Variants in SETMAR observed in about 807,000 individuals in gnomAD.
The protein encoded by SETMAR is SET and mariner transposase domain methyltransferase.
A neutral mutation model predicts 58.4 loss-of-function variants in SETMAR; 44 were observed. That is an observed-to-expected ratio of 0.75 (90% CI 0.59 to 0.97). SETMAR has a LOEUF of 0.97. SETMAR is among the 50% of genes least tolerant of loss of function. The pLI is 0.00. For missense variants in SETMAR, 903 were observed against 840.2 expected, an observed-to-expected ratio of 1.07 and a Z score of -0.92; for synonymous variants, 332 against 307.4, an observed-to-expected ratio of 1.08 and a Z score of -0.84.
chr3:4,309,930 CAT>C (rs1291114784), intron 1 of SETMAR, among the ~76,000 whole-genome samples: 3 of 152,180 alleles, frequency 2.0e-5, no homozygotes, highest in Non-Finnish European at 4.4e-5. Context: ...ATGCAAAAGT[CAT>C]AGAGTGCACA....
In SETMAR at chr3:4,316,251, A is replaced by G. The variant is rs1281830308; in HGVS notation, c.1060A>G (p.Ile354Val). Residue 354 changes from isoleucine (I) to valine (V), a missense_variant, in exon 3 of 3, where the codon ATT becomes GTT. Transcript: ENST00000358065. The stretch of plus-strand genomic sequence containing the variant: ...GTTAGACAAAAAGCAAATTCGAGCA[A>G]TTTTCTTATTCGAGTTCAAAATGGG... ...MMLDKKQIRA[I>V]FLFEFKMGRK... The G allele has an allele frequency of 1.3e-5, 10 of 780,628 alleles. No individual in the cohort carries two copies. The highest frequency in any genetic ancestry group is 3.4e-5 in the African/African-American group (2 of 58,618). 48.4% of individuals were successfully genotyped at this position (780,628 alleles called of 1,614,324 possible).
chr3:4,309,873 T>TC, intron 1 of SETMAR, among the ~76,000 whole-genome samples: 1 of 152,358 alleles, frequency 6.6e-6, no homozygotes, highest in African/African-American at 2.4e-5. Flanking sequence ...ATTATTTAAC[T>TC]ATGGGGAAAC....
chr3:4,303,963 C>CTG, intron 1 of SETMAR: 1 of 852,906 alleles, frequency 1.2e-6, no homozygotes, highest in Admixed American at 4.1e-5. Context: ...CTCCCTCACG[C>CTG]TGTGGGCTCT....
In SETMAR at chr3:4,313,348, G is replaced by A. The variant is rs1054156429; in HGVS notation, c.607G>A (p.Gly203Arg). ...IIAIREHVYN[G>R]QVMETFVDPT... ...AGCCATCAGGGAACATGTTTATAATGGGCAGGTAATGGAAACATTTGTTGA... is the reference window on the plus strand; with the variant it reads ...AGCCATCAGGGAACATGTTTATAATAGGCAGGTAATGGAAACATTTGTTGA... The change falls in exon 2 of 3, where the codon GGG becomes AGG. Residue 203 changes from glycine to arginine, a missense_variant. Coordinates refer to ENST00000358065, the MANE Select transcript of SETMAR (RefSeq NM_006515.4). 1 of 1,613,844 alleles carries A rather than the reference G, an allele frequency of 6.2e-7. No homozygotes were observed. The highest frequency in any genetic ancestry group is 1.3e-5 in the African/African-American group (1 of 74,884).
chr3:4,317,086 A>G lies in SETMAR; in HGVS notation c.1895A>G (p.Asn632Ser), dbSNP rs1249161741. The G allele has an allele frequency of 6.5e-6, 10 of 1,549,100 alleles. No individual in the cohort carries two copies. In the East Asian group the frequency reaches 2.0e-4, roughly 30 times the overall value. Reference sequence around the variant, plus strand: ...TACCACGTCTTTAAGCATCTCAACAACTTTTTGCAGGGAAAACGCTTCCAC... The same window carrying G: ...TACCACGTCTTTAAGCATCTCAACAGCTTTTTGCAGGGAAAACGCTTCCAC... The part of the protein sequence containing the change: ...TNYHVFKHLN[N>S]FLQGKRFHNQ... The change falls in exon 3 of 3, where the codon AAC becomes AGC. Residue 632 changes from asparagine (N) to serine (S), a missense_variant. By Grantham distance (46) the Asn-to-Ser change is conservative. Coordinates refer to ENST00000358065, the MANE Select transcript of SETMAR (RefSeq NM_006515.4).
chr3:4,311,930 T>C (rs1490618104), intron 1 of SETMAR, among the ~76,000 whole-genome samples: 1 of 152,224 alleles, frequency 6.6e-6, no homozygotes, highest in Non-Finnish European at 1.5e-5. Context: ...TGCTTCACGA[T>C]GCTAATGAGG....
rs1351337627 is a variant in SETMAR, at chr3:4,316,864, A to G, written c.1673A>G (p.Lys558Arg). The G allele has an allele frequency of 1.5e-5, 23 of 1,549,646 alleles. No homozygotes were observed. Among genetic ancestry groups the G allele is most frequent in the Non-Finnish European group, 2.0e-5 (23 of 1,146,746 alleles). Reference protein sequence around the residue: ...LNPGETITSEKYAQEIDEMNQ... With the variant: ...LNPGETITSERYAQEIDEMNQ... ...CCCGGTGAAACCATTACATCTGAGAAGTATGCTCAGGAAATCGATGAGATG... is the reference window on the plus strand; with the variant it reads ...CCCGGTGAAACCATTACATCTGAGAGGTATGCTCAGGAAATCGATGAGATG... Residue 558 changes from lysine (K) to arginine (R), a missense_variant, in exon 3 of 3, where the codon AAG (lysine) becomes AGG (arginine). Coordinates refer to ENST00000358065, the MANE Select transcript of SETMAR (RefSeq NM_006515.4).
At position 4,316,425 on chromosome 3, in the gene SETMAR, G is replaced by A. The variant is rs1575089551; in HGVS notation, c.1234G>A (p.Val412Ile). The A allele has an allele frequency of 1.9e-6, 3 of 1,592,606 alleles. No individual in the cohort carries two copies. Among genetic ancestry groups the A allele is most frequent in the Middle Eastern group, 1.8e-4 (1 of 5,554 alleles). ...GGAGCGTAGTGGCCGGCCATCAGAA[G>A]TTGACAACGACCAGTTGAGAGCAAT... ...DEERSGRPSE[V>I]DNDQLRAIIE... Residue 412 changes from valine to isoleucine, a missense_variant, in exon 3 of 3, where the codon GTT (valine) becomes ATT (isoleucine). Coordinates refer to ENST00000358065, the MANE Select transcript of SETMAR (RefSeq NM_006515.4).
At chr3:4,314,848 GTAATT>G (rs1698572917) in intron 2 of SETMAR, among the ~76,000 whole-genome samples, 1 of 152,150 alleles carries the variant, frequency 6.6e-6, no homozygotes, top group Non-Finnish European at 1.5e-5. Flanking sequence ...ATATTATTAA[GTAATT>G]TAATTTCTTC....
chr3:4,303,856 G>C, intron 1 of SETMAR: 1 of 1,320,010 alleles, frequency 7.6e-7, no homozygotes, highest in Non-Finnish European at 1.0e-6. Context: ...CTGGTCTCAG[G>C]TGTCTCTCAC....
chr3:4,312,887 A>G lies in SETMAR; in HGVS notation c.157-11A>G, dbSNP rs1559217289. 1 of 1,598,854 alleles carries G rather than the reference A, an allele frequency of 6.3e-7. No homozygotes were observed. The highest frequency in any genetic ancestry group is 2.2e-5 in the East Asian group (1 of 44,784). On this transcript the variant is annotated splice_polypyrimidine_tract_variant and intron_variant, in intron 1 of 2. Coordinates refer to ENST00000358065, the MANE Select transcript of SETMAR (RefSeq NM_006515.4). ...TGCCGTGCTGACTTACAGTGTGTAT[A>G]TTTTTTACAGTACACTCCTGATCAT...
Position 4,303,439 on chromosome 3 carries a change from C to A in SETMAR, c.69C>A (p.Ala23=). The stretch of plus-strand genomic sequence containing the variant: ...CGGAGTTTAAGGAGAAGCCTGAGGC[C>A]CCGACTGAGCAGCTGGATGTCGCGT... ...GMAEFKEKPE[A]PTEQLDVACG... The change falls in exon 1 of 3, where the codon GCC becomes GCA. Residue 23 remains alanine, a synonymous_variant. Transcript: ENST00000358065. The A allele has an allele frequency of 6.4e-7, 1 of 1,550,968 alleles. No homozygotes were observed. The highest frequency in any genetic ancestry group is 8.7e-7 in the Non-Finnish European group (1 of 1,153,854).
At chr3:4,311,685 C>T (rs769455182) in intron 1 of SETMAR, among the ~76,000 whole-genome samples, 1 of 152,220 alleles carries the variant, frequency 6.6e-6, no homozygotes, top group Non-Finnish European at 1.5e-5. Flanking sequence ...ATCCAGTCTA[C>T]TTCTACCACA....
At chr3:4,307,973 C>T (rs1698256725) in intron 1 of SETMAR, among the ~76,000 whole-genome samples, 1 of 152,066 alleles carries the variant, frequency 6.6e-6, no homozygotes, top group East Asian at 1.9e-4. Context: ...GCAGTTGGAG[C>T]CTGCAGTGAG....
chr3:4,311,568 A>C (rs1432464954), intron 1 of SETMAR, among the ~76,000 whole-genome samples: 1 of 152,236 alleles, frequency 6.6e-6, no homozygotes, highest in Admixed American at 6.5e-5. Flanking sequence ...TACTGAAAAA[A>C]GTCAATGCCA....
chr3:4,306,249 ATTT>A (rs762628912), intron 1 of SETMAR, among the ~76,000 whole-genome samples: 4 of 152,126 alleles, frequency 2.6e-5, no homozygotes, highest in African/African-American at 7.2e-5. Flanking sequence ...TGCCCGACGT[ATTT>A]TTTTAATTAA....
Position 4,316,770 on chromosome 3 carries a change from C to A in SETMAR, c.1579C>A (p.His527Asn). The change falls in exon 3 of 3, where the codon CAC becomes AAC. Residue 527 changes from histidine (H) to asparagine (N), a missense_variant. His to Asn is a moderately conservative substitution (Grantham distance 68). Coordinates refer to ENST00000358065, the MANE Select transcript of SETMAR (RefSeq NM_006515.4). ...AAAGCACTTCCCAAAGCCAATCTTGCACCCAAAAAAGGTCATGGTCACTAT... is the reference window on the plus strand; with the variant it reads ...AAAGCACTTCCCAAAGCCAATCTTGAACCCAAAAAAGGTCATGGTCACTAT... ...APKHFPKPILHPKKVMVTIWW... is the reference protein window; with the variant it reads ...APKHFPKPILNPKKVMVTIWW... 6 of 1,550,744 alleles carry A rather than the reference C, an allele frequency of 3.9e-6. No individual in the cohort carries two copies. The highest frequency in any genetic ancestry group is 4.4e-6 in the Non-Finnish European group (5 of 1,146,738).
chr3:4,310,681 T>G (rs1022743598), intron 1 of SETMAR, among the ~76,000 whole-genome samples: 2 of 152,202 alleles, frequency 1.3e-5, no homozygotes, highest in Non-Finnish European at 2.9e-5. Context: ...AAAATCTTTT[T>G]AAATTTGTAA....
At chr3:4,315,718 T>G (rs1698609816) in intron 2 of SETMAR, among the ~76,000 whole-genome samples, 1 of 152,148 alleles carries the variant, frequency 6.6e-6, no homozygotes, top group South Asian at 2.1e-4. Context: ...TATCCCATGA[T>G]AAAATAACAT....
Sources: allele counts gnomAD v4.1 joint callset (sites outside exome capture counted in the v4.1 genomes callset), GRCh38; gene constraint gnomAD v4.1.1; transcripts MANE v1.5; gene names NCBI Gene and HGNC (gene_info 2026-07-23, HGNC 2026-07-21).